Variants in THRB observed in about 807,000 individuals in gnomAD.
The protein encoded by THRB is thyroid hormone receptor beta, also known as nuclear receptor subfamily 1 group A member 2.
Under a neutral mutation model 47.8 loss-of-function variants are expected in THRB, and 12 were observed. The observed-to-expected ratio is 0.25, with a 90% CI of 0.16 to 0.41. The LOEUF is 0.41. THRB is among the 10% of genes least tolerant of loss of function. The pLI is 1.00. For missense variants in THRB, 348 were observed against 589.2 expected (o/e 0.59, Z 4.24); for synonymous variants, 218 against 212.2 (o/e 1.03, Z -0.24).
rs189424704 is a variant in THRB at position 24,313,223 on chromosome 3, T to C, written c.-188-15852A>G. Among the ~76,000 whole-genome samples, 6 of 152,220 alleles carry C rather than the reference T, an allele frequency of 3.9e-5. No homozygotes were observed. In the East Asian group the frequency reaches 1.2e-3, roughly 29 times the overall value. On this transcript the variant is annotated intron_variant, in intron 2 of 10. Coordinates refer to ENST00000646209, the MANE Select transcript of THRB (RefSeq NM_001354712.2). ...TGTCATCAGGTCCAGTCTCCAACCT[T>C]CTCTCTTTCCTCTCAACCACTCGGG...
chr3:24,199,335 G>A (rs764471327), intron 4 of THRB, among the ~76,000 whole-genome samples: 1 of 152,138 alleles, frequency 6.6e-6, no homozygotes, highest in Non-Finnish European at 1.5e-5. Flanking sequence ...GTTCAAGTAC[G>A]CTGCCTTTCA....
At chr3:24,273,659 T>C (rs2053584188) in intron 3 of THRB, among the ~76,000 whole-genome samples, 1 of 152,232 alleles carries the variant, frequency 6.6e-6, no homozygotes, top group Non-Finnish European at 1.5e-5. Flanking sequence ...TAGTCTTTAT[T>C]GATCCAACTT....
chr3:24,327,695 A>T (rs903498886), intron 2 of THRB, among the ~76,000 whole-genome samples: 83 of 152,254 alleles, frequency 5.5e-4, no homozygotes, highest in Non-Finnish European at 3.5e-4. Flanking sequence ...AAGGTGAAAG[A>T]TGCTATGGGA....
At chr3:24,494,885 C>A (rs1044759237), upstream of THRB, 2 of 152,400 alleles carry the variant, frequency 1.3e-5, no homozygotes, top group Non-Finnish European at 2.9e-5. Context: ...TCTCCACCCT[C>A]CTCCGCCCCC....
chr3:24,162,225 T>C lies in THRB; in HGVS notation c.284-9735A>G, dbSNP rs1048997438. On this transcript the variant is annotated intron_variant, in intron 5 of 10. Coordinates refer to ENST00000646209, the MANE Select transcript of THRB (RefSeq NM_001354712.2). ...AGAAAAAAAAGTCAACTTTTTACTTTGCTGCAACCTCAGCCACAGAGCAGA... is the reference window on the plus strand; with the variant it reads ...AGAAAAAAAAGTCAACTTTTTACTTCGCTGCAACCTCAGCCACAGAGCAGA... 5.3e-5 allele frequency among the ~76,000 whole-genome samples: 8 copies of C among 152,234 alleles called. No individual in the cohort carries two copies. In the South Asian group the frequency reaches 1.5e-3, roughly 28 times the overall value.
At chr3:24,470,129 C>A (rs2074451571) in intron 1 of THRB, among the ~76,000 whole-genome samples, 1 of 152,194 alleles carries the variant, frequency 6.6e-6, no homozygotes, top group African/African-American at 2.4e-5. Context: ...GTGACTCACA[C>A]TAACTTTACC....
intron 1 of THRB, among the ~76,000 whole-genome samples, chr3:24,352,725 T>C (rs544143566): frequency 2.5e-4 from 38 of 152,158 alleles, no homozygotes; most frequent in Non-Finnish European, 5.0e-4. Flanking sequence ...AAAATATGAA[T>C]TCAACCATAT....
At chr3:24,311,478 T>C (rs757364794) in intron 2 of THRB, among the ~76,000 whole-genome samples, 8 of 152,210 alleles carry the variant, frequency 5.3e-5, no homozygotes, top group Non-Finnish European at 7.3e-5. Flanking sequence ...GAGCCCATGC[T>C]ACAAAGAAAA....
At chr3:24,390,527 C>G (rs2066480331) in intron 1 of THRB, among the ~76,000 whole-genome samples, 1 of 151,994 alleles carries the variant, frequency 6.6e-6, no homozygotes. Flanking sequence ...CTATAATTAG[C>G]CTTTTATTAT....
chr3:24,376,714 G>C lies in THRB; in HGVS notation c.-260-39343C>G, dbSNP rs145775426. 4.9e-4 allele frequency among the ~76,000 whole-genome samples: 74 copies of C among 152,210 alleles called. 2 individuals are homozygous for C. The highest frequency in any genetic ancestry group is 1.5e-3 in the African/African-American group (62 of 41,556). On this transcript the variant is annotated intron_variant, in intron 1 of 10. Coordinates refer to ENST00000646209, the MANE Select transcript of THRB (RefSeq NM_001354712.2). ...AAAGATCACTCTAGATTTGCCCTAA[G>C]AGAATCTAAAACCAGGCCTCCACTA...
rs74855597 is a variant in THRB at position 24,330,840 on chromosome 3, T to C, written c.-189+6460A>G. Among the ~76,000 whole-genome samples, 716 of 152,346 alleles carry C rather than the reference T, an allele frequency of 4.7e-3. 5 individuals are homozygous for C. Among genetic ancestry groups the C allele is most frequent in the African/African-American group, 0.016 (673 of 41,582 alleles). On this transcript the variant is annotated intron_variant, in intron 2 of 10. Coordinates refer to ENST00000646209, the MANE Select transcript of THRB (RefSeq NM_001354712.2). ...GGGTTAAAATAAGAAAACCAAGTTATACTTATTTAACTGTTGCTGACTGTA... is the reference window on the plus strand; with the variant it reads ...GGGTTAAAATAAGAAAACCAAGTTACACTTATTTAACTGTTGCTGACTGTA...
chr3:24,291,915 T>C (rs1177669101), intron 3 of THRB, among the ~76,000 whole-genome samples: 2 of 152,096 alleles, frequency 1.3e-5, no homozygotes, highest in Non-Finnish European at 2.9e-5. Context: ...TATATATGTA[T>C]ATATATATGT....
intron 10 of THRB, among the ~76,000 whole-genome samples, chr3:24,123,835 C>T (rs1342176584): frequency 1.3e-5 from 2 of 152,068 alleles, no homozygotes; most frequent in Non-Finnish European, 2.9e-5. Flanking sequence ...ACACCGGGAC[C>T]CTGGAAAGCC....
intron 3 of THRB, among the ~76,000 whole-genome samples, chr3:24,288,476 CTT>C (rs535371313): frequency 2.0e-5 from 3 of 151,546 alleles, no homozygotes; most frequent in African/African-American, 7.3e-5. Context: ...TGTGACTGCT[CTT>C]TTTTTTTAAC....
chr3:24,336,546 A>T (rs113784735), intron 2 of THRB, among the ~76,000 whole-genome samples: 4,681 of 152,298 alleles, frequency 0.031, 89 homozygotes, highest in African/African-American at 0.051. Flanking sequence ...TATAATAATG[A>T]AAACAAACTG....
intron 4 of THRB, among the ~76,000 whole-genome samples, 192 bp from the exon 5 acceptor site, chr3:24,190,526 C>G (rs187717549): frequency 6.6e-6 from 1 of 152,078 alleles, no homozygotes; most frequent in African/African-American, 2.4e-5. Context: ...GGTTGCCTGT[C>G]GGAGTAATCA....
At chr3:24,299,134 G>C (rs1286500055) in intron 2 of THRB, among the ~76,000 whole-genome samples, 1 of 151,308 alleles carries the variant, frequency 6.6e-6, no homozygotes, top group African/African-American at 2.4e-5. Flanking sequence ...TGTAGTCCCA[G>C]CTACTCGGGA....
At chr3:24,156,765 T>C (rs2037918401) in intron 5 of THRB, among the ~76,000 whole-genome samples, 1 of 152,174 alleles carries the variant, frequency 6.6e-6, no homozygotes, top group South Asian at 2.1e-4. Context: ...GCTTAGTCAC[T>C]CTTCTGATTT....
chr3:24,139,468 T>C (rs1175255897), intron 8 of THRB, among the ~76,000 whole-genome samples: 1 of 151,860 alleles, frequency 6.6e-6, no homozygotes, highest in Non-Finnish European at 1.5e-5. Context: ...ACTGTAGCCT[T>C]GACCTCCTGG....
Sources: allele counts gnomAD v4.1 joint callset (sites outside exome capture counted in the v4.1 genomes callset), GRCh38; gene constraint gnomAD v4.1.1; transcripts MANE v1.5; gene names NCBI Gene and HGNC (gene_info 2026-07-23, HGNC 2026-07-21).